PCDHGB1: variants seen among roughly 807,000 people sequenced by gnomAD.
PCDHGB1 encodes the protein protocadherin gamma-B1.
PCDHGB1 carries 34 observed loss-of-function variants against 56.6 expected under a neutral mutation model. The ratio of observed to expected loss-of-function variants is 0.60; its 90% CI spans 0.46 to 0.80. The LOEUF (loss-of-function observed/expected upper bound fraction) is 0.80. PCDHGB1 is among the 30% of genes least tolerant of loss of function. The pLI is 0.00. For missense variants in PCDHGB1, 1,278 were observed against 1,204.6 expected, an observed-to-expected ratio of 1.06 and a Z score of -0.90; for synonymous variants, 561 against 505.9, an observed-to-expected ratio of 1.11 and a Z score of -1.46.
chr5:141,460,951 GTA>G (rs200454978), intron 1 of PCDHGB1, among the ~76,000 whole-genome samples: 208 of 139,744 alleles, frequency 1.5e-3, no homozygotes, highest in South Asian at 4.3e-3. Flanking sequence ...TATGTATTAT[GTA>G]TATATATATG....
rs9324847 is a variant in PCDHGB1, at chr5:141,376,094, A to C, written c.2409+23425A>C. The C allele has an allele frequency of 5.1e-3, 8,284 of 1,613,546 alleles. 340 individuals are homozygous for C. In the African/African-American group the frequency reaches 0.097, roughly 19 times the overall value. On this transcript the variant is annotated intron_variant, in intron 1 of 3. Transcript: ENST00000523390. ...GGCCGTGGCCGACAGGATCCCCGAC[A>C]TCCTGGCCGACCTGGGCAGCCTCGA...
In PCDHGB1 at chr5:141,454,796, A is replaced by ATTTTTT. The variant is rs61612330; in HGVS notation, c.2410-39987_2410-39982dup. Among the ~76,000 whole-genome samples the ATTTTTT allele has an allele frequency of 4.9e-3, 381 of 77,456 alleles. 41 individuals carry two copies. The highest frequency in any genetic ancestry group is 0.011 in the African/African-American group (178 of 16,882). 50.8% of individuals were successfully genotyped at this position (77,456 alleles called of 152,430 possible). ...AAGGAAATAATCCTCCATGGTTCTA[A>ATTTTTT]TTTTTTTTTTTTTTTTTTTTTTTTT... On this transcript the variant is annotated intron_variant, in intron 1 of 3. Coordinates refer to ENST00000523390, the MANE Select transcript of PCDHGB1 (RefSeq NM_018922.3).
intron 1 of PCDHGB1, chr5:141,409,314 C>G: frequency 1.9e-6 from 3 of 1,613,878 alleles, no homozygotes; most frequent in Non-Finnish European, 2.5e-6. Flanking sequence ...CTCTTCAAAA[C>G]ACGGGATCTG....
At chr5:141,424,022 AAC>A (rs1390245883) in intron 1 of PCDHGB1, 1 of 1,046,586 alleles carries the variant, frequency 9.6e-7, no homozygotes, top group Non-Finnish European at 1.2e-6. Flanking sequence ...ATGATTCACA[AAC>A]ACTTTTTATT....
chr5:141,419,145 A>T, intron 1 of PCDHGB1: 1 of 1,613,940 alleles, frequency 6.2e-7, no homozygotes, highest in Non-Finnish European at 8.5e-7. Flanking sequence ...GACAGGGGCA[A>T]GCCTCCGTTA....
intron 1 of PCDHGB1, chr5:141,360,053 A>G: frequency 6.9e-7 from 1 of 1,439,336 alleles, no homozygotes; most frequent in Non-Finnish European, 9.2e-7. Flanking sequence ...AAACAAAAGC[A>G]GGAAAAGTGA....
Position 141,350,538 on chromosome 5 carries a change from G to C in PCDHGB1, c.278G>C (p.Cys93Ser). 10 of 1,614,050 alleles carry C rather than the reference G, an allele frequency of 6.2e-6. No homozygotes were observed. Among genetic ancestry groups the C allele is most frequent in the South Asian group, 1.1e-5 (1 of 91,084 alleles). The change falls in exon 1 of 4, where the codon TGC becomes TCC. Residue 93 changes from cysteine (C) to serine (S), a missense_variant. Coordinates refer to ENST00000523390, the MANE Select transcript of PCDHGB1 (RefSeq NM_018922.3). Reference protein sequence around the residue: ...VNGRIDREKICGRKLECALEF... With the variant: ...VNGRIDREKISGRKLECALEF... ...GGTAGGATAGATCGAGAGAAGATTTGCGGAAGGAAACTTGAGTGTGCACTA... is the reference window on the plus strand; with the variant it reads ...GGTAGGATAGATCGAGAGAAGATTTCCGGAAGGAAACTTGAGTGTGCACTA...
In PCDHGB1 at chr5:141,350,661, G is replaced by A; in HGVS notation, c.401G>A (p.Gly134Asp). The change falls in exon 1 of 4, where the codon GGC becomes GAC. Residue 134 changes from glycine to aspartate, a missense_variant. Coordinates refer to ENST00000523390, the MANE Select transcript of PCDHGB1 (RefSeq NM_018922.3). The part of the protein sequence containing the change: ...NDNAPRFVAK[G>D]IDLEICESAL... ...AATGCACCACGTTTCGTTGCAAAAG[G>A]CATTGACTTAGAAATTTGTGAGTCA... 1.2e-6 allele frequency: 2 copies of A among 1,613,992 alleles called. No individual in the cohort carries two copies. The highest frequency in any genetic ancestry group is 1.1e-5 in the South Asian group (1 of 91,084).
intron 1 of PCDHGB1, chr5:141,421,352 AGG>A: frequency 6.2e-7 from 1 of 1,613,946 alleles, no homozygotes; most frequent in Non-Finnish European, 8.5e-7. Context: ...GAGACCGAAA[AGG>A]GCTCCTTCGT....
chr5:141,375,053 G>A, intron 1 of PCDHGB1: 1 of 1,614,046 alleles, frequency 6.2e-7, no homozygotes. Context: ...AGCCCGGGAT[G>A]GGCCAGGTCT....
intron 1 of PCDHGB1, chr5:141,426,513 C>T (rs780618436): frequency 6.2e-5 from 21 of 341,148 alleles, no homozygotes; most frequent in Non-Finnish European, 1.1e-4. Context: ...AATACTTTAC[C>T]GTGAACACGG....
chr5:141,423,405 G>T (rs1444037259), intron 1 of PCDHGB1: 1 of 1,614,154 alleles, frequency 6.2e-7, no homozygotes, highest in African/African-American at 1.3e-5. Context: ...CACGCCTGCT[G>T]CAGGCTTCTG....
chr5:141,421,064 G>A (rs2096543646), intron 1 of PCDHGB1: 2 of 593,294 alleles, frequency 3.4e-6, no homozygotes, highest in Non-Finnish European at 5.7e-6. Context: ...ACACAAAGCG[G>A]AATGAGATGG....
At chr5:141,360,412 G>A in intron 1 of PCDHGB1, 1 of 1,613,978 alleles carries the variant, frequency 6.2e-7, no homozygotes, top group Non-Finnish European at 8.5e-7. Flanking sequence ...AATAGACCGA[G>A]AACAGATATG....
Position 141,486,142 on chromosome 5 carries a change from C to T in PCDHGB1, c.2410-8665C>T. 6.2e-7 allele frequency: 1 copy of T among 1,614,200 alleles called. No homozygotes were observed. The highest frequency in any genetic ancestry group is 1.3e-5 in the African/African-American group (1 of 75,052). ...ACTATGAATTTGATGTGCGGGCTCG[C>T]GATGGGGGTTCTCCAGCCATGGAGC... On this transcript the variant is annotated intron_variant, in intron 1 of 3. Coordinates refer to ENST00000523390, the MANE Select transcript of PCDHGB1 (RefSeq NM_018922.3). This position sits in a 1 kb window ranked among gnomAD's most constrained non-coding sequence, Gnocchi z 5.0.
At chr5:141,460,546 C>A (rs182506898) in intron 1 of PCDHGB1, among the ~76,000 whole-genome samples, 51 of 152,152 alleles carry the variant, frequency 3.4e-4, no homozygotes, top group African/African-American at 1.1e-3. Context: ...GCACCTTAAT[C>A]AAAAATCATT....
Position 141,351,843 on chromosome 5 carries a change from T to C in PCDHGB1, c.1583T>C (p.Leu528Pro), listed in dbSNP as rs773877160. The change falls in exon 1 of 4, where the codon CTG (leucine) becomes CCG (proline). Residue 528 changes from leucine to proline, a missense_variant. Coordinates refer to ENST00000523390, the MANE Select transcript of PCDHGB1 (RefSeq NM_018922.3). ...HEQLRAFELT[L>P]QARDQGSPAL... is the part of the protein sequence containing the mutation. ...CAGCTGCGCGCCTTCGAGCTCACACTGCAGGCCAGGGACCAGGGCTCCCCC... is the reference window on the plus strand; with the variant it reads ...CAGCTGCGCGCCTTCGAGCTCACACCGCAGGCCAGGGACCAGGGCTCCCCC... The C allele has an allele frequency of 2.4e-5, 38 of 1,613,116 alleles. No homozygotes were observed. In the South Asian group the frequency reaches 4.1e-4, roughly 17 times the overall value.
intron 1 of PCDHGB1, chr5:141,421,248 C>G: frequency 1.2e-6 from 2 of 1,604,936 alleles, no homozygotes; most frequent in Middle Eastern, 1.7e-4. Flanking sequence ...GGCTACAGCG[C>G]GGGGACCGCA....
rs2099884159 is a variant in PCDHGB1 at position 141,512,278 on chromosome 5, G to A, written c.*1105G>A. 6.5e-6 allele frequency: 1 copy of A among 152,812 alleles called. No homozygotes were observed. Among genetic ancestry groups the A allele is most frequent in the Non-Finnish European group, 1.5e-5 (1 of 68,170 alleles). 9.5% of individuals were successfully genotyped at this position (152,812 alleles called of 1,614,324 possible). A position where few individuals can be genotyped will look rare whatever the true frequency, so the allele number is the denominator to read the frequency against. ...TGCTGGGTACTCCAGAGGTGCCACT[G>A]GTGGAAGGGTCAGCGGAGCCCCAGC... On this transcript the variant is annotated 3_prime_UTR_variant, in exon 4 of 4. Coordinates refer to ENST00000523390, the MANE Select transcript of PCDHGB1 (RefSeq NM_018922.3).
Sources: gnomAD v4.1 joint callset for allele counts (sites outside exome capture counted in the v4.1 genomes callset) on GRCh38, gnomAD v4.1.1 for gene constraint, Gnocchi (gnomAD v3.1) non-coding constraint, MANE v1.5 for transcripts, NCBI Gene and HGNC (gene_info 2026-07-23, HGNC 2026-07-21) for gene names.